The following PCSK2 variants were observed in gnomAD, a reference collection of about 807,000 sequenced individuals.
PCSK2 encodes proprotein convertase subtilisin/kexin type 2.
In PCSK2, 14 loss-of-function variants were observed where a neutral mutation model predicts 69.7. The observed-to-expected ratio is 0.20, with a 90% CI of 0.13 to 0.31. PCSK2 has a LOEUF of 0.31. Among genes scored for constraint, PCSK2 ranks in the 10% least tolerant of loss-of-function variants. The pLI, the probability that PCSK2 is intolerant of heterozygous loss-of-function variation, is 1.00. For missense variants in PCSK2, 544 were observed against 842.5 expected, an observed-to-expected ratio of 0.65 and a Z score of 4.39; for synonymous variants, 307 against 320.7, an observed-to-expected ratio of 0.96 and a Z score of 0.46.
At chr20:17,338,317 C>A (rs916002206) in intron 2 of PCSK2, among the ~76,000 whole-genome samples, 1 of 152,112 alleles carries the variant, frequency 6.6e-6, no homozygotes, top group Non-Finnish European at 1.5e-5. Flanking sequence ...CTGCCTCAGT[C>A]TCCTGAGTAG....
At chr20:17,431,326 C>T (rs187490425) in intron 7 of PCSK2, among the ~76,000 whole-genome samples, 49 of 152,280 alleles carry the variant, frequency 3.2e-4, no homozygotes, top group African/African-American at 1.1e-3. Context: ...TGCCGTCGGG[C>T]CTGTCCAGCC....
At chr20:17,422,236 A>C (rs914408272) in intron 6 of PCSK2, among the ~76,000 whole-genome samples, 1 of 152,222 alleles carries the variant, frequency 6.6e-6, no homozygotes, top group African/African-American at 2.4e-5. Flanking sequence ...TACAGCAAAC[A>C]TTATTCTTCA....
intron 2 of PCSK2, among the ~76,000 whole-genome samples, chr20:17,346,098 C>T (rs923718050): frequency 1.3e-5 from 2 of 152,252 alleles, no homozygotes; most frequent in African/African-American, 2.4e-5. Context: ...ACTAGGCAAT[C>T]CAGACACATC....
At chr20:17,314,103 T>C (rs1989602663) in intron 2 of PCSK2, among the ~76,000 whole-genome samples, 1 of 151,948 alleles carries the variant, frequency 6.6e-6, no homozygotes, top group South Asian at 2.1e-4. Flanking sequence ...AGTATTAATA[T>C]ACATTGCCTA....
chr20:17,442,017 C>CAA (rs11483753), intron 8 of PCSK2, among the ~76,000 whole-genome samples: 129 of 93,460 alleles, frequency 1.4e-3, no homozygotes, highest in Non-Finnish European at 1.2e-3. Context: ...ATTTAAAAGA[C>CAA]AAAAAAAAAA....
chr20:17,335,643 C>T (rs1397063468), intron 2 of PCSK2, among the ~76,000 whole-genome samples: 1 of 151,780 alleles, frequency 6.6e-6, no homozygotes. Context: ...ATCCCTTGCC[C>T]CCTCCCATCC....
At chr20:17,330,464 C>T (rs1456205600) in intron 2 of PCSK2, among the ~76,000 whole-genome samples, 3 of 151,768 alleles carry the variant, frequency 2.0e-5, no homozygotes, top group Admixed American at 6.6e-5. Context: ...CATGGTGGCG[C>T]GTGTCTTTAA....
At chr20:17,369,100 CT>C in intron 4 of PCSK2, 139 bp from the exon 5 acceptor site, 1 of 706,470 alleles carries the variant, frequency 1.4e-6, no homozygotes, top group African/African-American at 1.7e-5. Context: ...AGACTGGGAG[CT>C]GTGTGATGGG....
At chr20:17,313,303 G>A in intron 2 of PCSK2, among the ~76,000 whole-genome samples, 1 of 152,120 alleles carries the variant, frequency 6.6e-6, no homozygotes, top group East Asian at 1.9e-4. Flanking sequence ...CTGGCCAGGA[G>A]CTGACGGTCT....
chr20:17,325,823 C>T (rs1990031339), intron 2 of PCSK2, among the ~76,000 whole-genome samples: 1 of 152,092 alleles, frequency 6.6e-6, no homozygotes, highest in Non-Finnish European at 1.5e-5. Flanking sequence ...ATGGCCCAGG[C>T]ATGTTCTTTT....
chr20:17,273,156 A>G (rs1037265245), intron 2 of PCSK2, among the ~76,000 whole-genome samples: 3 of 152,136 alleles, frequency 2.0e-5, no homozygotes, highest in Non-Finnish European at 4.4e-5. Flanking sequence ...ATTTCCTTTA[A>G]ATGAGTAAGT....
chr20:17,334,899 T>C (rs1990302455), intron 2 of PCSK2, among the ~76,000 whole-genome samples: 1 of 152,244 alleles, frequency 6.6e-6, no homozygotes, highest in African/African-American at 2.4e-5. Context: ...CGCATTAGCA[T>C]ATACAGCCAA....
At chr20:17,384,958 T>C (rs1007849508) in intron 5 of PCSK2, among the ~76,000 whole-genome samples, 1 of 152,190 alleles carries the variant, frequency 6.6e-6, no homozygotes, top group Non-Finnish European at 1.5e-5. Context: ...TTCTCTTAAA[T>C]GCAAAGGCAA....
At chr20:17,413,600 CA>C (rs1231960691) in intron 6 of PCSK2, among the ~76,000 whole-genome samples, 1 of 152,154 alleles carries the variant, frequency 6.6e-6, no homozygotes, top group African/African-American at 2.4e-5. Flanking sequence ...TTTAACACCC[CA>C]CTGTCAATAT....
At chr20:17,429,404 A>C in intron 6 of PCSK2, 31 bp from the exon 7 acceptor site, 1 of 1,557,652 alleles carries the variant, frequency 6.4e-7, no homozygotes, top group Non-Finnish European at 8.9e-7. Flanking sequence ...GTTTCACTGC[A>C]TATCTAATGT....
intron 5 of PCSK2, among the ~76,000 whole-genome samples, chr20:17,376,571 C>T (rs893903442): frequency 5.9e-5 from 9 of 152,104 alleles, no homozygotes; most frequent in Admixed American, 1.3e-4. Context: ...CTAGGCCTAT[C>T]CTAGACCTAC....
At chr20:17,253,527 C>T (rs1312481838) in intron 1 of PCSK2, among the ~76,000 whole-genome samples, 2 of 152,114 alleles carry the variant, frequency 1.3e-5, no homozygotes, top group East Asian at 3.8e-4. Context: ...GTGTTTTTAC[C>T]ATGTGTCATT....
chr20:17,434,064 G>C, intron 7 of PCSK2, among the ~76,000 whole-genome samples: 1 of 104,272 alleles, frequency 9.6e-6, no homozygotes, highest in East Asian at 2.9e-4. Context: ...CTCTCTCTCT[G>C]TCCTCTCCTT....
intron 5 of PCSK2, among the ~76,000 whole-genome samples, chr20:17,400,398 G>C (rs1298635022): frequency 1.3e-5 from 2 of 152,056 alleles, no homozygotes; most frequent in African/African-American, 4.8e-5. Context: ...GTGACCTTGG[G>C]CAAAGTATTC....
Sources: gnomAD v4.1 joint callset for allele counts (sites outside exome capture counted in the v4.1 genomes callset) on GRCh38, gnomAD v4.1.1 for gene constraint, MANE v1.5 for transcripts, NCBI Gene and HGNC (gene_info 2026-07-23, HGNC 2026-07-21) for gene names.